The following GRXCR1 variants were observed in gnomAD, a reference collection of about 807,000 sequenced individuals.
The protein encoded by GRXCR1 is glutaredoxin and cysteine rich domain containing 1.
A neutral mutation model predicts 27.3 loss-of-function variants in GRXCR1; 27 were observed. The observed-to-expected ratio is 0.99, with a 90% CI of 0.73 to 1.37. The LOEUF (loss-of-function observed/expected upper bound fraction) is 1.37. Among genes scored for constraint, GRXCR1 ranks in the 40% most tolerant of loss-of-function variants. GRXCR1 has a pLI of 0.00. For missense variants in GRXCR1, 379 were observed against 354.4 expected (o/e 1.07, Z -0.56); for synonymous variants, 122 against 131.1 (o/e 0.93, Z 0.47).
intron 2 of GRXCR1, among the ~76,000 whole-genome samples, chr4:42,999,285 T>C (rs747062119): frequency 2.0e-5 from 3 of 152,216 alleles, no homozygotes; most frequent in African/African-American, 4.8e-5. Context: ...CATGTGTGTA[T>C]AGAATTTACT....
chr4:42,947,028 C>T (rs750012827), intron 1 of GRXCR1, among the ~76,000 whole-genome samples: 2 of 152,028 alleles, frequency 1.3e-5, no homozygotes, highest in South Asian at 2.1e-4. Flanking sequence ...GATAGTGCTG[C>T]TTGACCTGGT....
intron 1 of GRXCR1, among the ~76,000 whole-genome samples, chr4:42,930,669 G>C (rs960720297): frequency 2.0e-5 from 3 of 151,932 alleles, no homozygotes; most frequent in Non-Finnish European, 4.4e-5. Flanking sequence ...CTGGGTTAAA[G>C]TTTTAGTTCC....
intron 3 of GRXCR1, among the ~76,000 whole-genome samples, chr4:43,024,591 A>C (rs1193752332): frequency 1.3e-5 from 2 of 152,180 alleles, no homozygotes; most frequent in Non-Finnish European, 2.9e-5. Flanking sequence ...TCCTATATCC[A>C]GGCTTATACA....
chr4:42,914,896 A>G (rs1746850519), intron 1 of GRXCR1, among the ~76,000 whole-genome samples: 1 of 152,048 alleles, frequency 6.6e-6, no homozygotes, highest in Admixed American at 6.6e-5. Context: ...ATGGTTTTAT[A>G]AGGGGCTTCT....
At chr4:43,017,495 T>C (rs1712965060) in intron 2 of GRXCR1, among the ~76,000 whole-genome samples, 1 of 152,204 alleles carries the variant, frequency 6.6e-6, no homozygotes, top group Non-Finnish European at 1.5e-5. Flanking sequence ...AGTTCCTTTC[T>C]TAAAAAATGC....
chr4:43,019,752 G>A (rs1013893837), intron 2 of GRXCR1, among the ~76,000 whole-genome samples: 1 of 152,102 alleles, frequency 6.6e-6, no homozygotes, highest in Non-Finnish European at 1.5e-5. Flanking sequence ...TTCTCTCTGT[G>A]TCTTCTCTGG....
intron 2 of GRXCR1, among the ~76,000 whole-genome samples, chr4:43,007,421 G>A (rs1475075998): frequency 6.6e-6 from 1 of 152,178 alleles, no homozygotes. Context: ...AGGGAAAAGA[G>A]TTTGGCTTCT....
intron 1 of GRXCR1, among the ~76,000 whole-genome samples, chr4:42,928,282 A>G (rs1216573595): frequency 6.6e-6 from 1 of 151,948 alleles, no homozygotes; most frequent in Admixed American, 6.6e-5. Flanking sequence ...TGATAATAAC[A>G]TGTTTTAGAA....
chr4:43,001,213 G>A (rs10026087), intron 2 of GRXCR1, among the ~76,000 whole-genome samples: 2,529 of 151,834 alleles, frequency 0.017, 76 homozygotes, highest in African/African-American at 0.057. Context: ...ACAATTAGCT[G>A]TGTATGCAGT....
chr4:42,966,320 G>C (rs572282359), intron 2 of GRXCR1, among the ~76,000 whole-genome samples: 2 of 152,154 alleles, frequency 1.3e-5, no homozygotes, highest in East Asian at 3.9e-4. Flanking sequence ...TTGGAATGGA[G>C]CTATAAAATG....
chr4:42,961,098 G>A (rs2109774113), intron 1 of GRXCR1, among the ~76,000 whole-genome samples: 1 of 151,952 alleles, frequency 6.6e-6, no homozygotes, highest in African/African-American at 2.4e-5. Flanking sequence ...AGAAGATGTG[G>A]TGTTTGGTTT....
At chr4:43,016,300 G>A (rs1712929930) in intron 2 of GRXCR1, among the ~76,000 whole-genome samples, 1 of 152,084 alleles carries the variant, frequency 6.6e-6, no homozygotes, top group Non-Finnish European at 1.5e-5. Flanking sequence ...ACTACGAAAG[G>A]ACATGTACAT....
chr4:42,912,813 T>C (rs1008418915), intron 1 of GRXCR1, among the ~76,000 whole-genome samples: 3 of 152,086 alleles, frequency 2.0e-5, no homozygotes, highest in Admixed American at 6.5e-5. Context: ...CCCACCTAAA[T>C]TGCACCTCGA....
chr4:42,968,892 A>G (rs1241058117), intron 2 of GRXCR1, among the ~76,000 whole-genome samples: 2 of 152,160 alleles, frequency 1.3e-5, no homozygotes, highest in African/African-American at 4.8e-5. Context: ...AGGCTTAAAA[A>G]ATAAGGTATT....
chr4:43,021,455 T>C (rs1408403320), intron 3 of GRXCR1, among the ~76,000 whole-genome samples: 1 of 152,206 alleles, frequency 6.6e-6, no homozygotes, highest in Non-Finnish European at 1.5e-5. Context: ...ATGAACTAGA[T>C]GCTCCTTGAT....
At chr4:42,970,624 T>C (rs1347722881) in intron 2 of GRXCR1, among the ~76,000 whole-genome samples, 1 of 152,096 alleles carries the variant, frequency 6.6e-6, no homozygotes, top group Non-Finnish European at 1.5e-5. Flanking sequence ...GAGCAACATG[T>C]CCCAAGGCTG....
At chr4:42,937,755 G>T (rs1747493356) in intron 1 of GRXCR1, among the ~76,000 whole-genome samples, 1 of 151,792 alleles carries the variant, frequency 6.6e-6, no homozygotes, top group Admixed American at 6.6e-5. Flanking sequence ...TACATGTATA[G>T]CAATTGTAAC....
intron 1 of GRXCR1, among the ~76,000 whole-genome samples, chr4:42,920,249 C>G (rs1271844702): frequency 4.6e-5 from 7 of 152,090 alleles, no homozygotes; most frequent in Admixed American, 4.6e-4. Context: ...TGAGCACAGG[C>G]AGTGAGTATA....
chr4:42,946,913 T>G (rs978513091), intron 1 of GRXCR1, among the ~76,000 whole-genome samples: 2 of 152,184 alleles, frequency 1.3e-5, no homozygotes, highest in Admixed American at 1.3e-4. Context: ...TAACATACAC[T>G]TTTTGATCTC....
Sources: gnomAD v4.1 joint callset for allele counts (sites outside exome capture counted in the v4.1 genomes callset) on GRCh38, gnomAD v4.1.1 for gene constraint, MANE v1.5 for transcripts, NCBI Gene and HGNC (gene_info 2026-07-23, HGNC 2026-07-21) for gene names.